Variants in TMEM123 observed in about 807,000 individuals in gnomAD.
TMEM123 encodes the protein porimin.
TMEM123 carries 16 observed loss-of-function variants against 19.7 expected under a neutral mutation model. That is an observed-to-expected ratio of 0.81 (90% CI 0.55 to 1.23). The LOEUF (loss-of-function observed/expected upper bound fraction) is 1.23. TMEM123 is among the 50% of genes most tolerant of loss of function. TMEM123 has a pLI of 0.00. For missense variants in TMEM123, 313 were observed against 257.8 expected (o/e 1.21, Z -1.47); for synonymous variants, 118 against 99.4 (o/e 1.19, Z -1.12).
intron 2 of TMEM123, among the ~76,000 whole-genome samples, chr11:102,434,391 T>C (rs1857741682): frequency 6.6e-6 from 1 of 151,996 alleles, no homozygotes; most frequent in Non-Finnish European, 1.5e-5. Context: ...GTATGTCTTC[T>C]TTTGAGAAAT....
chr11:102,396,743 TAAC>T lies in TMEM123; in HGVS notation c.*2121_*2123del, dbSNP rs1487897806. On this transcript the variant is annotated 3_prime_UTR_variant, in exon 5 of 5. Transcript: ENST00000398136. ...CATTCAAAGTACGGGTATTTGAAAG[TAAC>T]AAATTATACTACTTACATACAGAGA... 1 of 152,136 alleles carries T rather than the reference TAAC, an allele frequency of 6.6e-6. No homozygotes were observed. The highest frequency in any genetic ancestry group is 2.4e-5 in the African/African-American group (1 of 41,420). The allele number at this position is 152,136 out of a possible 1,614,324, so 9.4% of individuals were successfully genotyped here.
chr11:102,404,449 A>G (rs193178673), intron 2 of TMEM123, among the ~76,000 whole-genome samples: 42 of 151,604 alleles, frequency 2.8e-4, no homozygotes, highest in African/African-American at 8.5e-4. Flanking sequence ...ACGCCTGGCT[A>G]ATTTTTGTAT....
intron 2 of TMEM123, among the ~76,000 whole-genome samples, chr11:102,428,783 C>T (rs1313916227): frequency 6.6e-6 from 1 of 152,170 alleles, no homozygotes; most frequent in Non-Finnish European, 1.5e-5. Context: ...TTTGCTGCAG[C>T]TCATCAAGAA....
intron 2 of TMEM123, among the ~76,000 whole-genome samples, chr11:102,424,434 C>A (rs1952109653): frequency 6.6e-6 from 1 of 152,236 alleles, no homozygotes; most frequent in East Asian, 1.9e-4. Context: ...GCCTATAATC[C>A]CAACACTTTG....
intron 2 of TMEM123, among the ~76,000 whole-genome samples, chr11:102,426,107 G>C (rs1338363445): frequency 6.6e-6 from 1 of 152,190 alleles, no homozygotes; most frequent in East Asian, 1.9e-4. Context: ...AACATTTGTT[G>C]AGTGGCTATA....
intron 2 of TMEM123, among the ~76,000 whole-genome samples, chr11:102,415,231 T>C (rs557832071): frequency 8.5e-5 from 13 of 152,238 alleles, no homozygotes; most frequent in African/African-American, 2.6e-4. Flanking sequence ...AACCACACAA[T>C]AGTGGCGGAC....
intron 2 of TMEM123, among the ~76,000 whole-genome samples, chr11:102,441,535 T>C (rs1029337819): frequency 2.0e-5 from 3 of 152,068 alleles, no homozygotes; most frequent in African/African-American, 7.2e-5. Flanking sequence ...CTGGGACACA[T>C]TTAAAGCAGT....
At chr11:102,421,693 G>A (rs973713658) in intron 2 of TMEM123, among the ~76,000 whole-genome samples, 7 of 152,012 alleles carry the variant, frequency 4.6e-5, no homozygotes, top group South Asian at 2.1e-4. Context: ...TGGAAACTTC[G>A]CCAGTTACTA....
rs551268483 is a variant in TMEM123 at position 102,436,453 on chromosome 11, G to A, written c.157+12359C>T. On this transcript the variant is annotated intron_variant, in intron 2 of 4. Coordinates refer to ENST00000398136, the MANE Select transcript of TMEM123 (RefSeq NM_052932.3). ...GCTGGGATTACAGGCGTGAGCCACCGCACCCAGCCTCAATTTAACTCCTTA... is the reference window on the plus strand; with the variant it reads ...GCTGGGATTACAGGCGTGAGCCACCACACCCAGCCTCAATTTAACTCCTTA... Among the ~76,000 whole-genome samples, 11 of 152,010 alleles carry A rather than the reference G, an allele frequency of 7.2e-5. No individual in the cohort carries two copies. The South Asian group carries it at 1.0e-3, about 14-fold the overall frequency.
intron 2 of TMEM123, among the ~76,000 whole-genome samples, chr11:102,410,000 A>C (rs11225246): frequency 2.6e-4 from 39 of 152,316 alleles, no homozygotes; most frequent in Admixed American, 4.6e-4. Context: ...CTGAATTTTT[A>C]AACTCAAAAA....
At chr11:102,443,765 C>T (rs1257842466) in intron 2 of TMEM123, among the ~76,000 whole-genome samples, 1 of 152,138 alleles carries the variant, frequency 6.6e-6, no homozygotes, top group Non-Finnish European at 1.5e-5. Flanking sequence ...AAGCAACCTA[C>T]AGAATGGGAG....
chr11:102,400,776 A>G (rs1240595726), intron 4 of TMEM123, among the ~76,000 whole-genome samples: 1 of 152,220 alleles, frequency 6.6e-6, no homozygotes, highest in Non-Finnish European at 1.5e-5. Context: ...GAACTCAACC[A>G]TGGTGGCACC....
At chr11:102,429,697 A>G (rs1440473424) in intron 2 of TMEM123, among the ~76,000 whole-genome samples, 2 of 152,238 alleles carry the variant, frequency 1.3e-5, no homozygotes, top group Non-Finnish European at 2.9e-5. Context: ...AATGTTTGAC[A>G]TCTTATACAT....
chr11:102,414,396 GTCA>G (rs760950861), intron 2 of TMEM123, among the ~76,000 whole-genome samples: 1 of 152,132 alleles, frequency 6.6e-6, no homozygotes, highest in Non-Finnish European at 1.5e-5. Flanking sequence ...AAGACATATA[GTCA>G]TCAGATTCTC....
At chr11:102,435,470 C>T (rs1271795237) in intron 2 of TMEM123, among the ~76,000 whole-genome samples, 2 of 151,780 alleles carry the variant, frequency 1.3e-5, no homozygotes, top group Non-Finnish European at 2.9e-5. Flanking sequence ...AAAATAAAAC[C>T]CTTATACACT....
intron 2 of TMEM123, among the ~76,000 whole-genome samples, chr11:102,407,321 C>T (rs946902365): frequency 6.6e-6 from 1 of 152,230 alleles, no homozygotes; most frequent in African/African-American, 2.4e-5. Flanking sequence ...ACAGGAGCTG[C>T]ACCCTACTAA....
intron 2 of TMEM123, among the ~76,000 whole-genome samples, chr11:102,412,443 CAG>C (rs1192603122): frequency 1.3e-5 from 2 of 152,030 alleles, no homozygotes; most frequent in African/African-American, 4.8e-5. Context: ...CAAAAGCAAA[CAG>C]AATCAACAGG....
chr11:102,405,860 T>C (rs1951951795), intron 2 of TMEM123, among the ~76,000 whole-genome samples: 1 of 152,254 alleles, frequency 6.6e-6, no homozygotes. Context: ...TCGATTTCTA[T>C]GAATTGACAA....
intron 2 of TMEM123, among the ~76,000 whole-genome samples, chr11:102,420,137 T>TCCC (rs527273224): frequency 1.1e-4 from 16 of 152,272 alleles, no homozygotes; most frequent in African/African-American, 3.9e-4. Context: ...CCAGATCCCT[T>TCCC]CCCCATCCTC....
Sources: gnomAD v4.1 joint callset for allele counts (sites outside exome capture counted in the v4.1 genomes callset) on GRCh38, gnomAD v4.1.1 for gene constraint, MANE v1.5 for transcripts, NCBI Gene and HGNC (gene_info 2026-07-23, HGNC 2026-07-21) for gene names.